The following TTC27 variants were observed in gnomAD, a reference collection of about 807,000 sequenced individuals.
TTC27 encodes tetratricopeptide repeat protein 27.
TTC27 carries 79 observed loss-of-function variants against 115.9 expected under a neutral mutation model. The ratio of observed to expected loss-of-function variants is 0.68; its 90% CI spans 0.57 to 0.82. The LOEUF is 0.82. Among genes scored for constraint, TTC27 ranks in the 40% least tolerant of loss-of-function variants. TTC27 has a pLI of 0.00. For missense variants in TTC27, 1,054 were observed against 993.1 expected (o/e 1.06, Z -0.82); for synonymous variants, 401 against 356.0 (o/e 1.13, Z -1.42).
intron 12 of TTC27, among the ~76,000 whole-genome samples, chr2:32,741,800 A>G (rs904532165): frequency 6.6e-6 from 1 of 152,142 alleles, no homozygotes. Flanking sequence ...CATTGAAGCA[A>G]TCTCCATGTA....
chr2:32,678,269 A>G (rs906545845), intron 8 of TTC27, among the ~76,000 whole-genome samples: 1 of 151,942 alleles, frequency 6.6e-6, no homozygotes, highest in Admixed American at 6.6e-5. Flanking sequence ...AAAAAAAAAA[A>G]AAAAGATAAA....
intron 13 of TTC27, among the ~76,000 whole-genome samples, chr2:32,764,631 C>A (rs530189359): frequency 6.6e-6 from 1 of 152,270 alleles, no homozygotes; most frequent in Admixed American, 6.5e-5. Context: ...TGGACTCTTC[C>A]TTTCATGCCA....
intron 7 of TTC27, among the ~76,000 whole-genome samples, chr2:32,667,414 CTTTT>C (rs58456949): frequency 7.9e-6 from 1 of 127,036 alleles, no homozygotes. Context: ...CCCCCAACTA[CTTTT>C]TTTTTTTTTT....
At chr2:32,778,026 A>C (rs1308719970) in intron 14 of TTC27, 46 bp downstream of exon 14, 2 of 1,579,288 alleles carry the variant, frequency 1.3e-6, no homozygotes, top group Non-Finnish European at 1.7e-6. Context: ...TTTACTCTCT[A>C]AGTTGTTGAA....
intron 12 of TTC27, among the ~76,000 whole-genome samples, chr2:32,740,135 G>T (rs922234760): frequency 6.6e-6 from 1 of 152,104 alleles, no homozygotes. Context: ...AAGGTTATCC[G>T]ACCCACTTAC....
At chr2:32,636,768 C>CA (rs1270613133) in intron 3 of TTC27, among the ~76,000 whole-genome samples, 1 of 152,138 alleles carries the variant, frequency 6.6e-6, no homozygotes, top group Non-Finnish European at 1.5e-5. Context: ...TTGCCATTAA[C>CA]AAAGAGATTT....
chr2:32,711,804 G>A (rs1667589794), intron 10 of TTC27, among the ~76,000 whole-genome samples: 1 of 152,126 alleles, frequency 6.6e-6, no homozygotes, highest in African/African-American at 2.4e-5. Flanking sequence ...ACTGGGCGTG[G>A]TGGCAGGCAC....
chr2:32,637,100 T>C (rs536530468), intron 3 of TTC27, among the ~76,000 whole-genome samples: 1 of 152,338 alleles, frequency 6.6e-6, no homozygotes, highest in East Asian at 1.9e-4. Context: ...ACAATTTAAA[T>C]AATAAATCTC....
At chr2:32,775,275 G>A (rs1349405230) in intron 13 of TTC27, among the ~76,000 whole-genome samples, 1 of 152,160 alleles carries the variant, frequency 6.6e-6, no homozygotes, top group Non-Finnish European at 1.5e-5. Context: ...TCAGCTCACT[G>A]CAAGCTCCAC....
chr2:32,771,239 G>A (rs1214509658), intron 13 of TTC27, among the ~76,000 whole-genome samples: 2 of 152,172 alleles, frequency 1.3e-5, no homozygotes, highest in Non-Finnish European at 2.9e-5. Context: ...GTATATGTTA[G>A]GTGTCTAACA....
In TTC27 at chr2:32,735,839, G is replaced by A. The variant is rs1668435961; in HGVS notation, c.1330-855G>A. On this transcript the variant is annotated intron_variant, in intron 11 of 19. Coordinates refer to ENST00000317907, the MANE Select transcript of TTC27 (RefSeq NM_017735.5). ...ATAGCCAGATTCTCCTGTATTCCAT[G>A]GGTTACTGATGTATTGGATCATTCT... is the stretch of plus-strand genomic sequence containing the variant. Among the ~76,000 whole-genome samples, 2 of 151,910 alleles carry A rather than the reference G, an allele frequency of 1.3e-5. 1 individual carries two copies. The highest frequency in any genetic ancestry group is 4.1e-4 in the South Asian group (2 of 4,824).
At chr2:32,734,591 C>T (rs1668392933) in intron 11 of TTC27, among the ~76,000 whole-genome samples, 1 of 152,182 alleles carries the variant, frequency 6.6e-6, no homozygotes, top group Non-Finnish European at 1.5e-5. Context: ...CCCTTGTCTA[C>T]ATGGTTCTCC....
intron 10 of TTC27, among the ~76,000 whole-genome samples, chr2:32,722,735 A>T (rs1667968929): frequency 6.6e-6 from 1 of 152,214 alleles, no homozygotes; most frequent in Non-Finnish European, 1.5e-5. Context: ...GGAAGAAGTT[A>T]ATCGAGACTT....
chr2:32,701,840 A>T (rs12473762), intron 9 of TTC27, among the ~76,000 whole-genome samples: 47,172 of 151,754 alleles, frequency 0.31, 7,707 homozygotes, highest in Non-Finnish European at 0.36. Flanking sequence ...TCCTGTCTCT[A>T]CAAAAAATAA....
intron 13 of TTC27, among the ~76,000 whole-genome samples, chr2:32,761,613 C>T (rs1426730293): frequency 6.6e-6 from 1 of 152,112 alleles, no homozygotes; most frequent in Non-Finnish European, 1.5e-5. Flanking sequence ...GCCTCAGGGT[C>T]TTCCTCTTGC....
intron 9 of TTC27, among the ~76,000 whole-genome samples, chr2:32,691,861 G>A (rs563370790): frequency 4.9e-4 from 75 of 151,866 alleles, no homozygotes; most frequent in African/African-American, 1.6e-3. Flanking sequence ...AGAAATGAGA[G>A]AACTTTTCTT....
chr2:32,743,486 A>G (rs568110830), intron 12 of TTC27, among the ~76,000 whole-genome samples: 9 of 152,158 alleles, frequency 5.9e-5, no homozygotes, highest in Non-Finnish European at 1.0e-4. Context: ...AATTTCCCAT[A>G]TAACAACTTG....
intron 8 of TTC27, among the ~76,000 whole-genome samples, chr2:32,674,654 T>C (rs1666131946): frequency 6.6e-6 from 1 of 151,328 alleles, no homozygotes; most frequent in African/African-American, 2.4e-5. Context: ...TTTATTCCAG[T>C]GACAGAATTT....
In TTC27 at chr2:32,664,266, C is replaced by T. The variant is rs115518421; in HGVS notation, c.641-37C>T. The T allele has an allele frequency of 1.1e-3, 1,699 of 1,549,606 alleles. 13 individuals carry two copies. The African/African-American group carries it at 0.018, about 17-fold the overall frequency. Reference sequence around the variant, plus strand: ...TTACACATTAATATATTTTTCTTCTCATCATAACTTTTAATGTTTTATCTT... The same window carrying T: ...TTACACATTAATATATTTTTCTTCTTATCATAACTTTTAATGTTTTATCTT... On this transcript the variant is annotated intron_variant, in intron 5 of 19. Transcript: ENST00000317907.
Sources: gnomAD v4.1 joint callset for allele counts (sites outside exome capture counted in the v4.1 genomes callset) on GRCh38, gnomAD v4.1.1 for gene constraint, MANE v1.5 for transcripts, NCBI Gene and HGNC (gene_info 2026-07-23, HGNC 2026-07-21) for gene names.